BTBD9: variants seen among roughly 807,000 people sequenced by gnomAD.
BTBD9 encodes the protein BTB domain containing 9.
BTBD9 carries 49 observed loss-of-function variants against 64.3 expected under a neutral mutation model. The observed-to-expected ratio is 0.76, with a 90% CI of 0.61 to 0.97. The LOEUF is 0.97. Ranked by LOEUF, BTBD9 falls within the 50% of genes least tolerant of loss-of-function variation. The pLI is 0.00. For synonymous variants in BTBD9, 260 were observed against 274.7 expected (o/e 0.95, Z 0.53); for missense variants, 598 against 762.1 (o/e 0.78, Z 2.53).
chr6:38,233,411 C>T (rs148785434), intron 9 of BTBD9, among the ~76,000 whole-genome samples: 10 of 152,284 alleles, frequency 6.6e-5, no homozygotes, highest in African/African-American at 2.4e-4. Context: ...CAGTTCTTTG[C>T]GGCACATATT....
intron 6 of BTBD9, among the ~76,000 whole-genome samples, chr6:38,405,379 G>A (rs750337341): frequency 6.6e-6 from 1 of 152,136 alleles, no homozygotes; most frequent in Non-Finnish European, 1.5e-5. Flanking sequence ...AGAGAGTAAT[G>A]ATTCCTGCCA....
At chr6:38,235,255 C>T (rs1763738275) in intron 9 of BTBD9, among the ~76,000 whole-genome samples, 1 of 152,184 alleles carries the variant, frequency 6.6e-6, no homozygotes, top group African/African-American at 2.4e-5. Flanking sequence ...GAAAGGTCTG[C>T]ATACGTTTCC....
chr6:38,296,873 C>T (rs760185923), intron 7 of BTBD9, among the ~76,000 whole-genome samples: 2 of 151,916 alleles, frequency 1.3e-5, no homozygotes, highest in Non-Finnish European at 2.9e-5. Flanking sequence ...GTGGTGTGTC[C>T]GATGTGACTT....
At chr6:38,207,334 C>T in intron 9 of BTBD9, 1 of 223,454 alleles carries the variant, frequency 4.5e-6, no homozygotes, top group South Asian at 4.7e-5. Flanking sequence ...TCTAAAATTA[C>T]ACTGAAGCTG....
intron 1 of BTBD9, among the ~76,000 whole-genome samples, chr6:38,608,021 T>TA (rs1777488014): frequency 6.6e-6 from 1 of 152,170 alleles, no homozygotes; most frequent in Non-Finnish European, 1.5e-5. Flanking sequence ...AAGGATCAGG[T>TA]ACAAAAACTT....
chr6:38,553,343 A>G (rs1774893565), intron 6 of BTBD9, among the ~76,000 whole-genome samples: 1 of 152,200 alleles, frequency 6.6e-6, no homozygotes, highest in South Asian at 2.1e-4. Flanking sequence ...TGAGGGGAAT[A>G]TAATTTCACT....
intron 6 of BTBD9, among the ~76,000 whole-genome samples, chr6:38,352,920 G>C (rs1184279735): frequency 1.3e-5 from 2 of 152,152 alleles, no homozygotes; most frequent in African/African-American, 4.8e-5. Context: ...GAATAATACA[G>C]ATAAAATCCC....
At chr6:38,432,518 T>C (rs1768490769) in intron 6 of BTBD9, among the ~76,000 whole-genome samples, 1 of 151,980 alleles carries the variant, frequency 6.6e-6, no homozygotes, top group Non-Finnish European at 1.5e-5. Flanking sequence ...TAGGCATAGT[T>C]TCCATAATCC....
At chr6:38,420,572 C>G (rs1374908035) in intron 6 of BTBD9, among the ~76,000 whole-genome samples, 6 of 151,916 alleles carry the variant, frequency 3.9e-5, no homozygotes, top group Non-Finnish European at 4.4e-5. Flanking sequence ...ATAATAACAT[C>G]CTAGGCCGGG....
At chr6:38,504,240 C>A (rs906567607) in intron 6 of BTBD9, among the ~76,000 whole-genome samples, 2 of 152,234 alleles carry the variant, frequency 1.3e-5, no homozygotes, top group Non-Finnish European at 2.9e-5. Flanking sequence ...AATTGGACTT[C>A]ATTTCAAATG....
intron 6 of BTBD9, among the ~76,000 whole-genome samples, chr6:38,500,164 G>A (rs1772131300): frequency 6.6e-6 from 1 of 151,382 alleles, no homozygotes; most frequent in African/African-American, 2.4e-5. Flanking sequence ...TCTTTCTCAG[G>A]CCCTTAATGA....
chr6:38,607,890 A>C (rs1777484201), intron 1 of BTBD9, among the ~76,000 whole-genome samples: 1 of 152,168 alleles, frequency 6.6e-6, no homozygotes, highest in African/African-American at 2.4e-5. Context: ...CTATGAAAAA[A>C]CAAACAGAAT....
intron 6 of BTBD9, among the ~76,000 whole-genome samples, chr6:38,346,091 C>T (rs1024470987): frequency 6.6e-6 from 1 of 152,296 alleles, no homozygotes; most frequent in African/African-American, 2.4e-5. Context: ...ATTAAATGAA[C>T]AGATTTCAAT....
chr6:38,352,620 C>T (rs1479836566), intron 6 of BTBD9, among the ~76,000 whole-genome samples: 1 of 152,154 alleles, frequency 6.6e-6, no homozygotes, highest in African/African-American at 2.4e-5. Context: ...TTTTCTCAAT[C>T]CCAGGCTCCA....
intron 6 of BTBD9, among the ~76,000 whole-genome samples, chr6:38,512,444 A>G (rs1772818532): frequency 6.6e-6 from 1 of 152,196 alleles, no homozygotes; most frequent in Non-Finnish European, 1.5e-5. Flanking sequence ...TGAGCTATTT[A>G]AGAATAAGGA....
intron 6 of BTBD9, among the ~76,000 whole-genome samples, chr6:38,433,767 A>G (rs1768569275): frequency 6.6e-6 from 1 of 151,948 alleles, no homozygotes; most frequent in Admixed American, 6.5e-5. Context: ...AGCATTCATT[A>G]TATCTGAAAT....
intron 6 of BTBD9, among the ~76,000 whole-genome samples, chr6:38,471,625 A>G (rs1216083841): frequency 6.6e-6 from 1 of 152,018 alleles, no homozygotes; most frequent in African/African-American, 2.4e-5. Flanking sequence ...GCCTCAAGAG[A>G]TCCTCCATCT....
intron 7 of BTBD9, among the ~76,000 whole-genome samples, chr6:38,316,168 G>C (rs1350769889): frequency 2.0e-5 from 3 of 152,032 alleles, no homozygotes; most frequent in East Asian, 1.9e-4. Context: ...ATGTCTTTTT[G>C]TATCACTTTA....
chr6:38,269,922 C>A (rs1379283605), intron 8 of BTBD9, among the ~76,000 whole-genome samples: 1 of 152,186 alleles, frequency 6.6e-6, no homozygotes, highest in Non-Finnish European at 1.5e-5. Context: ...GTACACTAAT[C>A]CTTCAAAATG....
Sources: gnomAD v4.1 joint callset for allele counts (sites outside exome capture counted in the v4.1 genomes callset) on GRCh38, gnomAD v4.1.1 for gene constraint, MANE v1.5 for transcripts, NCBI Gene and HGNC (gene_info 2026-07-23, HGNC 2026-07-21) for gene names.